Variants in SULT1E1 observed in about 807,000 individuals in gnomAD.
SULT1E1 encodes the protein sulfotransferase family 1E member 1, also known as sulfotransferase 1E1.
In SULT1E1, 36 loss-of-function variants were observed where a neutral mutation model predicts 33.6. The ratio of observed to expected loss-of-function variants is 1.07; its 90% CI spans 0.82 to 1.41. SULT1E1 has a LOEUF of 1.41. SULT1E1 is among the 40% of genes most tolerant of loss of function. The pLI is 0.00. For missense variants in SULT1E1, 371 were observed against 345.7 expected (o/e 1.07, Z -0.58); for synonymous variants, 121 against 111.7 (o/e 1.08, Z -0.53).
At chr4:69,851,447 T>A (rs575792387) in intron 4 of SULT1E1, among the ~76,000 whole-genome samples, 8 of 152,124 alleles carry the variant, frequency 5.3e-5, no homozygotes, top group Non-Finnish European at 1.2e-4. Flanking sequence ...CCAGTTAGAA[T>A]GGTGATCATT....
intron 4 of SULT1E1, among the ~76,000 whole-genome samples, chr4:69,851,722 C>T (rs947717581): frequency 6.6e-6 from 1 of 152,126 alleles, no homozygotes; most frequent in African/African-American, 2.4e-5. Flanking sequence ...TTGGAACCAA[C>T]CCAAATATCC....
the SULT1E1 span, among the ~76,000 whole-genome samples, chr4:69,834,344 AT>A: frequency 6.6e-6 from 1 of 152,148 alleles, no homozygotes; most frequent in East Asian, 1.9e-4. Context: ...AAAGACTTCT[AT>A]TTTGCTATTT....
chr4:69,846,305 C>CAAAAAAAAAAAAAAATA (rs1720974895), intron 6 of SULT1E1, among the ~76,000 whole-genome samples: 1 of 107,040 alleles, frequency 9.3e-6, no homozygotes, highest in African/African-American at 3.5e-5. Flanking sequence ...ACAAAACAAT[C>CAAAAAAAAAAAAAAATA]AAAAAAAAAA....
At chr4:69,824,407 C>T in the SULT1E1 span, among the ~76,000 whole-genome samples, 2 of 152,144 alleles carry the variant, frequency 1.3e-5, no homozygotes, top group Admixed American at 6.5e-5. Context: ...AAAGCTGGAG[C>T]CTGAGTCAAG....
the SULT1E1 span, among the ~76,000 whole-genome samples, chr4:69,822,318 T>C: frequency 2.0e-5 from 3 of 152,202 alleles, no homozygotes; most frequent in Non-Finnish European, 4.4e-5. Context: ...GCAGGAATAA[T>C]AAATAAAGGA....
At chr4:69,837,328 T>C (rs970839649), downstream of SULT1E1, among the ~76,000 whole-genome samples, 1 of 152,046 alleles carries the variant, frequency 6.6e-6, no homozygotes, top group Non-Finnish European at 1.5e-5. Flanking sequence ...TTTGGAGCAA[T>C]CCCTGACACA....
downstream of SULT1E1, among the ~76,000 whole-genome samples, chr4:69,837,524 T>G (rs1365233759): frequency 2.0e-5 from 3 of 152,186 alleles, no homozygotes; most frequent in South Asian, 2.1e-4. Flanking sequence ...CATATTTTGT[T>G]AAATGAGAGG....
the SULT1E1 span, among the ~76,000 whole-genome samples, chr4:69,827,602 A>G: frequency 6.6e-6 from 1 of 152,140 alleles, no homozygotes; most frequent in African/African-American, 2.4e-5. Flanking sequence ...CTAAAAGATA[A>G]GTTTATTACC....
chr4:69,840,973 G>A (rs966944488), downstream of SULT1E1, among the ~76,000 whole-genome samples: 7 of 152,138 alleles, frequency 4.6e-5, no homozygotes, highest in Non-Finnish European at 1.0e-4. Context: ...GGGAACCCAG[G>A]AGGTGGAGCT....
intron 2 of SULT1E1, among the ~76,000 whole-genome samples, chr4:69,856,418 G>T (rs1371305581): frequency 6.6e-6 from 1 of 152,168 alleles, no homozygotes; most frequent in Non-Finnish European, 1.5e-5. Flanking sequence ...TAGCGGAGGA[G>T]GGATCAATAG....
At chr4:69,849,659 A>G in intron 4 of SULT1E1, 96 bp from the exon 5 acceptor site, 4 of 1,099,142 alleles carry the variant, frequency 3.6e-6, no homozygotes, top group Non-Finnish European at 3.8e-6. Context: ...TCAAATATAA[A>G]CATAATACAC....
chr4:69,843,325 A>T (rs1385244132), intron 7 of SULT1E1, among the ~76,000 whole-genome samples: 1 of 152,222 alleles, frequency 6.6e-6, no homozygotes, highest in East Asian at 1.9e-4. Context: ...CCTCTGTAAC[A>T]TTTATATGTA....
chr4:69,826,815 T>C, the SULT1E1 span, among the ~76,000 whole-genome samples: 2 of 152,194 alleles, frequency 1.3e-5, no homozygotes, highest in Admixed American at 6.5e-5. Context: ...GTCCAAGCTT[T>C]CTTTTCATTG....
At chr4:69,846,305 C>CAAAAAAAAAAAAAAAAAA (rs34408656) in intron 6 of SULT1E1, among the ~76,000 whole-genome samples, 24 of 106,986 alleles carry the variant, frequency 2.2e-4, no homozygotes, top group East Asian at 7.6e-4. Flanking sequence ...ACAAAACAAT[C>CAAAAAAAAAAAAAAAAAA]AAAAAAAAAA....
At position 69,849,571 on chromosome 4, in the gene SULT1E1, G is replaced by A. The variant is rs1299720929; in HGVS notation, c.370-8C>T. 9 of 1,585,486 alleles carry A rather than the reference G, an allele frequency of 5.7e-6. No homozygotes were observed. The highest frequency in any genetic ancestry group is 7.7e-6 in the Non-Finnish European group (9 of 1,168,780). ...CCGGCAAAGATAGATTATCTAAGAG[G>A]ATGAAATTGTATATTAAACCACTTA... On this transcript the variant is annotated splice_region_variant and splice_polypyrimidine_tract_variant and intron_variant, in intron 4 of 7. Transcript: ENST00000226444.
chr4:69,827,793 C>T, the SULT1E1 span, among the ~76,000 whole-genome samples: 1,853 of 152,252 alleles, frequency 0.012, 50 homozygotes, highest in African/African-American at 0.042. Context: ...CTCAGACAAA[C>T]AAACTTTGGT....
At chr4:69,839,836 C>T (rs760631131), downstream of SULT1E1, among the ~76,000 whole-genome samples, 2 of 152,162 alleles carry the variant, frequency 1.3e-5, no homozygotes, top group Non-Finnish European at 2.9e-5. Context: ...TATTACTTCT[C>T]CAAAGAAGAT....
At chr4:69,825,281 A>G in the SULT1E1 span, among the ~76,000 whole-genome samples, 1 of 152,140 alleles carries the variant, frequency 6.6e-6, no homozygotes, top group African/African-American at 2.4e-5. Flanking sequence ...ACATCTGAAC[A>G]TCTGAAGGAA....
intron 4 of SULT1E1, among the ~76,000 whole-genome samples, chr4:69,850,847 A>G (rs1181117780): frequency 3.9e-5 from 6 of 151,968 alleles, no homozygotes; most frequent in Non-Finnish European, 8.8e-5. Flanking sequence ...CTAAACTTCT[A>G]TTAGTTTATA....
Sources: allele counts gnomAD v4.1 joint callset (sites outside exome capture counted in the v4.1 genomes callset), GRCh38; gene constraint gnomAD v4.1.1; transcripts MANE v1.5; gene names NCBI Gene and HGNC (gene_info 2026-07-23, HGNC 2026-07-21).